Variants in ZC3H14 observed in about 807,000 individuals in gnomAD.
ZC3H14 encodes the protein zinc finger CCCH domain-containing protein 14.
A neutral mutation model predicts 92.4 loss-of-function variants in ZC3H14; 31 were observed. That is an observed-to-expected ratio of 0.34 (90% CI 0.25 to 0.45). The LOEUF is 0.45. Among genes scored for constraint, ZC3H14 ranks in the 20% least tolerant of loss-of-function variants. The probability of loss-of-function intolerance (pLI) is 1.00; values close to 1 mark genes in which losing one functional copy is unlikely to be tolerated. For missense variants in ZC3H14, 781 were observed against 897.3 expected (o/e 0.87, Z 1.66); for synonymous variants, 321 against 300.9 (o/e 1.07, Z -0.69).
At chr14:88,595,250 T>G (rs2083656031) in intron 9 of ZC3H14, 1 of 1,448,468 alleles carries the variant, frequency 6.9e-7, no homozygotes, top group Admixed American at 2.5e-5. Context: ...ATGACAAATT[T>G]GGATTCTGCT....
In ZC3H14 at chr14:88,581,711, A is replaced by G. The variant is rs954295869; in HGVS notation, c.1279+3571A>G. 4.6e-5 allele frequency among the ~76,000 whole-genome samples: 7 copies of G among 152,086 alleles called. No homozygotes were observed. In the East Asian group the frequency reaches 1.4e-3, roughly 29 times the overall value. On this transcript the variant is annotated intron_variant, in intron 9 of 16. Transcript: ENST00000251038. Reference sequence around the variant, plus strand: ...TCAATGAATGGTAGACCACGTCCAAAGGATGCAGGCGCCAACTTAGAGGTT... The same window carrying G: ...TCAATGAATGGTAGACCACGTCCAAGGGATGCAGGCGCCAACTTAGAGGTT...
chr14:88,589,537 C>T (rs888822933), intron 9 of ZC3H14: 7 of 152,210 alleles, frequency 4.6e-5, no homozygotes, highest in Non-Finnish European at 7.3e-5. Flanking sequence ...TGTCCAACCA[C>T]TTTATATTTC....
In ZC3H14 at chr14:88,609,739, G is replaced by GT; in HGVS notation, c.2034dup (p.Ser679Ter). ...GTTGCACCACCAGCACCACCTTCCA[G>GT]TAGTCAGCTCTGCCGTTACTTCCCT... On this transcript the variant is annotated frameshift_variant, in exon 15 of 17. Transcript: ENST00000251038. LOFTEE classifies it high-confidence loss of function. 6.2e-7 allele frequency: 1 copy of GT among 1,614,112 alleles called. No individual in the cohort carries two copies. Among genetic ancestry groups the GT allele is most frequent in the Non-Finnish European group, 8.5e-7 (1 of 1,180,008 alleles).
rs1054794165 is a variant in ZC3H14, at chr14:88,600,749, G to C, written c.1355-1175G>C. Among the ~76,000 whole-genome samples, 3 of 152,078 alleles carry C rather than the reference G, an allele frequency of 2.0e-5. No homozygotes were observed. The East Asian group carries it at 5.8e-4, about 29-fold the overall frequency. On this transcript the variant is annotated intron_variant, in intron 10 of 16. Coordinates refer to ENST00000251038, the MANE Select transcript of ZC3H14 (RefSeq NM_024824.5). Reference sequence around the variant, plus strand: ...TTACAGACATGAACCGCCACACCAGGCCACTTGATTTCTTACTAATTATAG... The same window carrying C: ...TTACAGACATGAACCGCCACACCAGCCCACTTGATTTCTTACTAATTATAG...
chr14:88,618,926 T>C lies in ZC3H14; in HGVS notation c.*7175T>C, dbSNP rs1175930644. The C allele has an allele frequency of 1.2e-5, 12 of 997,384 alleles. No individual in the cohort carries two copies. Among genetic ancestry groups the C allele is most frequent in the African/African-American group, 3.3e-5 (2 of 60,986 alleles). The allele number at this position is 997,384 out of a possible 1,614,324, so 61.8% of individuals were successfully genotyped here. A position where few individuals can be genotyped will look rare whatever the true frequency, so the allele number is the denominator to read the frequency against. The stretch of plus-strand genomic sequence containing the variant: ...AAGTAACGTGTGATAAGGCCTCAAA[T>C]AGATTTACCTGTCAGACACAACTGA... On this transcript the variant is annotated 3_prime_UTR_variant, in exon 17 of 17. Transcript: ENST00000251038.
rs1351600350 is a variant in ZC3H14 at position 88,609,135 on chromosome 14, T to C, written c.1869-132T>C. ...TGATATATGGTCTTATTTTAAAATA[T>C]TCTTTTTGTTGCTGTTTTTTTTGCA... On this transcript the variant is annotated intron_variant, in intron 13 of 16. Coordinates refer to ENST00000251038, the MANE Select transcript of ZC3H14 (RefSeq NM_024824.5). 8.3e-6 allele frequency: 9 copies of C among 1,077,938 alleles called. No homozygotes were observed. In the Admixed American group the frequency reaches 1.4e-4, roughly 17 times the overall value. 66.8% of individuals were successfully genotyped at this position (1,077,938 alleles called of 1,614,324 possible).
At chr14:88,599,902 A>T (rs1306309862) in intron 10 of ZC3H14, among the ~76,000 whole-genome samples, 2 of 152,180 alleles carry the variant, frequency 1.3e-5, no homozygotes, top group Non-Finnish European at 2.9e-5. Context: ...AGCTGCAAAC[A>T]GTCATCTGTA....
rs772152070 is a variant in ZC3H14, at chr14:88,620,744, G to A, written c.*8993G>A. On this transcript the variant is annotated 3_prime_UTR_variant, in exon 17 of 17. Coordinates refer to ENST00000251038, the MANE Select transcript of ZC3H14 (RefSeq NM_024824.5). This position sits in a 1 kb window ranked among gnomAD's most constrained non-coding sequence, Gnocchi z 4.3. ...ATATACTAGAAACTCTATTCCATTT[G>A]TTCACTAACCTGATATCATGGATTG... is the stretch of plus-strand genomic sequence containing the variant. The A allele has an allele frequency of 6.4e-7, 1 of 1,563,126 alleles. No individual in the cohort carries two copies. Among genetic ancestry groups the A allele is most frequent in the South Asian group, 1.2e-5 (1 of 81,120 alleles).
Position 88,618,743 on chromosome 14 carries a change from C to A in ZC3H14, c.*6992C>A. On this transcript the variant is annotated 3_prime_UTR_variant, in exon 17 of 17. Transcript: ENST00000251038. Reference sequence around the variant, plus strand: ...TGATTCTGTTAAGAGTGGGGCCCAGCGTTAGGTCATAAAAATCCACTGAGT... The same window carrying A: ...TGATTCTGTTAAGAGTGGGGCCCAGAGTTAGGTCATAAAAATCCACTGAGT... The A allele has an allele frequency of 6.2e-7, 1 of 1,605,884 alleles. No homozygotes were observed. The highest frequency in any genetic ancestry group is 8.5e-7 in the Non-Finnish European group (1 of 1,175,632).
At chr14:88,602,751 G>C (rs2084835620) in intron 11 of ZC3H14, 77 bp from the exon 12 acceptor site, 1 of 1,458,616 alleles carries the variant, frequency 6.9e-7, no homozygotes, top group African/African-American at 1.4e-5. Context: ...TGATAGTTCT[G>C]CTGAAGAGCA....
In ZC3H14 at chr14:88,620,109, T is replaced by TA. The variant is rs2088618639; in HGVS notation, c.*8359dup. 6.6e-6 allele frequency: 1 copy of TA among 152,362 alleles called. No homozygotes were observed. Among genetic ancestry groups the TA allele is most frequent in the African/African-American group, 2.4e-5 (1 of 41,594 alleles). 9.4% of individuals were successfully genotyped at this position (152,362 alleles called of 1,614,324 possible). On this transcript the variant is annotated 3_prime_UTR_variant, in exon 17 of 17. Transcript: ENST00000251038. This position sits in a 1 kb window ranked among gnomAD's most constrained non-coding sequence, Gnocchi z 4.3. ...TGTAAAAGCTAAGGGAAGCCACTGT[T>TA]ACTATTTTATATATTGAAGTTCTGA...
chr14:88,563,600 G>T, intron 1 of ZC3H14, 51 bp from the exon 2 acceptor site: 1 of 1,608,546 alleles, frequency 6.2e-7, no homozygotes, highest in Admixed American at 1.7e-5. Context: ...GTCCGGTCTT[G>T]TTTTCCTAGA....
chr14:88,576,957 A>AT (rs1024669376), intron 8 of ZC3H14, among the ~76,000 whole-genome samples: 35 of 151,776 alleles, frequency 2.3e-4, no homozygotes, highest in Admixed American at 4.6e-4. Context: ...TGCCAGGCTA[A>AT]TTTTTTTGTA....
intron 9 of ZC3H14, chr14:88,590,318 C>T (rs2082965095): frequency 2.0e-5 from 3 of 152,452 alleles, no homozygotes; most frequent in African/African-American, 7.2e-5. Context: ...TAGAACCCCC[C>T]AGGGGCTCCC....
At chr14:88,608,474 C>A (rs889203091) in intron 13 of ZC3H14, 1 of 306,210 alleles carries the variant, frequency 3.3e-6, no homozygotes, top group South Asian at 2.6e-5. Flanking sequence ...AATGGAGTGA[C>A]AATTACCATG....
rs2086189718 is a variant in ZC3H14 at position 88,609,543 on chromosome 14, G to C, written c.2005+140G>C. On this transcript the variant is annotated intron_variant, in intron 14 of 16. Coordinates refer to ENST00000251038, the MANE Select transcript of ZC3H14 (RefSeq NM_024824.5). The stretch of plus-strand genomic sequence containing the variant: ...AGTTAATCCAACCAGTCTTTAAAGA[G>C]CAAGTGTGCCTATCTGTAGTATTCC... 4.3e-6 allele frequency: 6 copies of C among 1,399,470 alleles called. No individual in the cohort carries two copies. In the South Asian group the frequency reaches 7.2e-5, roughly 17 times the overall value. 86.7% of individuals were successfully genotyped at this position (1,399,470 alleles called of 1,614,324 possible).
Position 88,572,194 on chromosome 14 carries a change from A to G in ZC3H14, c.400A>G (p.Ser134Gly). The change falls in exon 5 of 17, where the codon AGT (serine) becomes GGT (glycine). Residue 134 changes from serine (S) to glycine (G), a missense_variant. By Grantham distance (56) the Ser-to-Gly change is moderately conservative. Coordinates refer to ENST00000251038, the MANE Select transcript of ZC3H14 (RefSeq NM_024824.5). ...AAAAAGAGATTCCAGAGTTTCTACA[A>G]GTTCGCAGGAGTCAAAAACCACAAA... is the stretch of plus-strand genomic sequence containing the variant. ...PEKRDSRVSTSSQESKTTNVR... is the reference protein window; with the variant it reads ...PEKRDSRVSTGSQESKTTNVR... The G allele has an allele frequency of 6.2e-7, 1 of 1,614,140 alleles. No homozygotes were observed. The highest frequency in any genetic ancestry group is 8.5e-7 in the Non-Finnish European group (1 of 1,180,022).
In ZC3H14 at chr14:88,572,582, A is replaced by C; in HGVS notation, c.436A>C (p.Thr146Pro). Residue 146 changes from threonine to proline, a missense_variant, in exon 6 of 17, where the codon ACT (threonine) becomes CCT (proline). Thr to Pro is a conservative substitution (Grantham distance 38). Coordinates refer to ENST00000251038, the MANE Select transcript of ZC3H14 (RefSeq NM_024824.5). ...QESKTTNVRQ[T>P]YDDGAATRLM... is the part of the protein sequence containing the mutation. Reference sequence around the variant, plus strand: ...TTTTGTTGTTCTTTTAAATAGACAGACTTACGATGATGGAGCTGCAACCCG... The same window carrying C: ...TTTTGTTGTTCTTTTAAATAGACAGCCTTACGATGATGGAGCTGCAACCCG... 6.2e-7 allele frequency: 1 copy of C among 1,614,166 alleles called. No homozygotes were observed.
At chr14:88,584,272 A>G (rs1487184507) in intron 9 of ZC3H14, among the ~76,000 whole-genome samples, 1 of 152,200 alleles carries the variant, frequency 6.6e-6, no homozygotes, top group Non-Finnish European at 1.5e-5. Flanking sequence ...GAAAATAAAT[A>G]TATTGGAAAT....
Sources: gnomAD v4.1 joint callset for allele counts (sites outside exome capture counted in the v4.1 genomes callset) on GRCh38, gnomAD v4.1.1 for gene constraint, Gnocchi (gnomAD v3.1) non-coding constraint, MANE v1.5 for transcripts, NCBI Gene and HGNC (gene_info 2026-07-23, HGNC 2026-07-21) for gene names.